SEMA6D: variants seen among roughly 807,000 people sequenced by gnomAD.
SEMA6D encodes the protein semaphorin-6D.
Under a neutral mutation model 106.6 loss-of-function variants are expected in SEMA6D, and 35 were observed. The observed-to-expected ratio is 0.33, with a 90% CI of 0.25 to 0.44. The LOEUF (loss-of-function observed/expected upper bound fraction) is 0.44. SEMA6D is among the 20% of genes least tolerant of loss of function. SEMA6D has a pLI of 1.00. For missense variants in SEMA6D, 1,185 were observed against 1,345.9 expected (o/e 0.88, Z 1.87); for synonymous variants, 499 against 487.7 (o/e 1.02, Z -0.31).
rs188947271 is a variant in SEMA6D at position 47,257,218 on chromosome 15, C to T, written c.-239+72800C>T. On this transcript the variant is annotated intron_variant, in intron 1 of 19. Coordinates refer to the SEMA6D transcript ENST00000558014. Reference sequence around the variant, plus strand: ...GACTACAGGTGCCTGCCACCACGCCCAGCTAATTTTTTGTATTTTTAGTAG... The same window carrying T: ...GACTACAGGTGCCTGCCACCACGCCTAGCTAATTTTTTGTATTTTTAGTAG... Among the ~76,000 whole-genome samples, 707 of 152,084 alleles carry T rather than the reference C, an allele frequency of 4.6e-3. 3 individuals are homozygous for T. The highest frequency in any genetic ancestry group is 6.8e-3 in the Non-Finnish European group (459 of 67,982).
At chr15:47,368,307 C>T (rs1242682294) in intron 1 of SEMA6D, among the ~76,000 whole-genome samples, 1 of 152,168 alleles carries the variant, frequency 6.6e-6, no homozygotes, top group East Asian at 1.9e-4. Flanking sequence ...GCCATAAAAG[C>T]ATGCCATAAA....
At chr15:47,289,268 C>T (rs1455563672) in intron 1 of SEMA6D, among the ~76,000 whole-genome samples, 5 of 151,762 alleles carry the variant, frequency 3.3e-5, no homozygotes, top group African/African-American at 9.7e-5. Context: ...GTGGCCTGCA[C>T]CTGTAATCCC....
intron 1 of SEMA6D, among the ~76,000 whole-genome samples, chr15:47,249,657 G>A (rs2033401314): frequency 6.6e-6 from 1 of 152,148 alleles, no homozygotes; most frequent in Non-Finnish European, 1.5e-5. Context: ...GAAGGTGAAG[G>A]AACCAGAGAA....
intron 3 of SEMA6D, among the ~76,000 whole-genome samples, chr15:47,498,738 A>AT (rs2043751653): frequency 6.6e-6 from 1 of 152,120 alleles, no homozygotes; most frequent in Admixed American, 6.6e-5. Flanking sequence ...TCTCAAAGGG[A>AT]TTGATGTTTT....
chr15:47,564,635 G>A (rs1169075284), intron 3 of SEMA6D, among the ~76,000 whole-genome samples: 1 of 152,154 alleles, frequency 6.6e-6, no homozygotes, highest in Non-Finnish European at 1.5e-5. Context: ...CCTAGATACT[G>A]ATAGGGACAG....
At chr15:47,348,383 A>G (rs2038130976) in intron 1 of SEMA6D, among the ~76,000 whole-genome samples, 2 of 152,172 alleles carry the variant, frequency 1.3e-5, no homozygotes, top group Admixed American at 6.5e-5. Context: ...CTTAATATAT[A>G]AAACTCTCAG....
chr15:47,627,337 C>T (rs2077220336), intron 4 of SEMA6D, among the ~76,000 whole-genome samples: 1 of 152,024 alleles, frequency 6.6e-6, no homozygotes. Context: ...TTAAATGTGC[C>T]CAATAAGCAA....
chr15:47,344,707 G>A (rs1028728308), intron 1 of SEMA6D, among the ~76,000 whole-genome samples: 2 of 152,142 alleles, frequency 1.3e-5, no homozygotes, highest in African/African-American at 4.8e-5. Context: ...ATGTTGTACT[G>A]GATGTTCCAA....
At chr15:47,580,117 T>A (rs1052820522) in intron 3 of SEMA6D, among the ~76,000 whole-genome samples, 3 of 152,212 alleles carry the variant, frequency 2.0e-5, no homozygotes, top group African/African-American at 7.2e-5. Context: ...TCTAATTCTG[T>A]TCTCTGAGTT....
chr15:47,682,170 C>CTT (rs775730736), intron 4 of SEMA6D, among the ~76,000 whole-genome samples: 13 of 143,312 alleles, frequency 9.1e-5, no homozygotes, highest in Admixed American at 1.4e-4. Context: ...AACAGTGCCA[C>CTT]TTTTTTTTTT....
intron 4 of SEMA6D, among the ~76,000 whole-genome samples, chr15:47,656,020 C>T (rs2077786019): frequency 6.6e-6 from 1 of 152,166 alleles, no homozygotes; most frequent in Admixed American, 6.5e-5. Context: ...TTAATGCCAC[C>T]TTTTCACATT....
At chr15:47,217,683 C>T (rs151080698) in intron 1 of SEMA6D, among the ~76,000 whole-genome samples, 1 of 151,482 alleles carries the variant, frequency 6.6e-6, no homozygotes, top group African/African-American at 2.4e-5. Context: ...GTTTAGCTTT[C>T]ATTTTACACC....
At chr15:47,521,858 G>GC (rs2044591787) in intron 3 of SEMA6D, among the ~76,000 whole-genome samples, 1 of 152,034 alleles carries the variant, frequency 6.6e-6, no homozygotes, top group Admixed American at 6.5e-5. Flanking sequence ...GGTGGTGGGC[G>GC]CCTGTAGTCC....
chr15:47,555,891 A>G (rs1011102450), intron 3 of SEMA6D, among the ~76,000 whole-genome samples: 3 of 152,124 alleles, frequency 2.0e-5, no homozygotes, highest in Non-Finnish European at 2.9e-5. Context: ...GACCCACAGA[A>G]CCATACCTAT....
At chr15:47,718,545 T>C in intron 1 of SEMA6D, 1 of 152,304 alleles carries the variant, frequency 6.6e-6, no homozygotes, top group Non-Finnish European at 1.5e-5. Flanking sequence ...GCGGGCGGAC[T>C]CCCGGGCCCG....
At chr15:47,609,974 C>A (rs952354326) in intron 4 of SEMA6D, among the ~76,000 whole-genome samples, 39 of 152,208 alleles carry the variant, frequency 2.6e-4, no homozygotes, top group Admixed American at 2.6e-3. Flanking sequence ...TGTCTTTCTT[C>A]CTGCTCGATC....
At chr15:47,288,799 C>A (rs1306101792) in intron 1 of SEMA6D, among the ~76,000 whole-genome samples, 1 of 152,186 alleles carries the variant, frequency 6.6e-6, no homozygotes, top group Admixed American at 6.5e-5. Flanking sequence ...TGTGACCGTC[C>A]TTCCACCTGT....
intron 3 of SEMA6D, among the ~76,000 whole-genome samples, chr15:47,583,702 A>G (rs560886836): frequency 2.0e-4 from 31 of 152,294 alleles, no homozygotes; most frequent in African/African-American, 6.3e-4. Context: ...GAGAGCAGAC[A>G]TGGATAGGAA....
intron 17 of SEMA6D, among the ~76,000 whole-genome samples, chr15:47,768,048 A>G (rs1268074361): frequency 2.0e-5 from 3 of 152,152 alleles, no homozygotes; most frequent in Non-Finnish European, 2.9e-5. Flanking sequence ...TGAATAATCT[A>G]CAAATGGACA....
Sources: gnomAD v4.1 joint callset for allele counts (sites outside exome capture counted in the v4.1 genomes callset) on GRCh38, gnomAD v4.1.1 for gene constraint, MANE v1.5 for transcripts, NCBI Gene and HGNC (gene_info 2026-07-23, HGNC 2026-07-21) for gene names.